The following URI1 variants were observed in gnomAD, a reference collection of about 807,000 sequenced individuals.
URI1 encodes URI1 prefoldin like chaperone.
URI1 carries 39 observed loss-of-function variants against 60.2 expected under a neutral mutation model. The ratio of observed to expected loss-of-function variants is 0.65; its 90% CI spans 0.50 to 0.85. The LOEUF (loss-of-function observed/expected upper bound fraction) is 0.85, where lower values mean the gene tolerates loss of function less well. URI1 is among the 40% of genes least tolerant of loss of function. The pLI is 0.00. For missense variants in URI1, 691 were observed against 665.9 expected, an observed-to-expected ratio of 1.04 and a Z score of -0.42; for synonymous variants, 251 against 236.8, an observed-to-expected ratio of 1.06 and a Z score of -0.55.
At position 29,973,838 on chromosome 19, in the gene URI1, CTAA is replaced by C. The variant is rs1480862405; in HGVS notation, c.152+2619_152+2621del. Among the ~76,000 whole-genome samples, 16 of 152,122 alleles carry C rather than the reference CTAA, an allele frequency of 1.1e-4. 1 individual carries two copies. The highest frequency in any genetic ancestry group is 3.3e-4 in the Admixed American group (5 of 15,270). Reference sequence around the variant, plus strand: ...TGAGAATTTGTACATTATTTTAGAGCTAATAATAATGGTTTTCAGTTTAGTGAG... The same window carrying C: ...TGAGAATTTGTACATTATTTTAGAGCTAATAATGGTTTTCAGTTTAGTGAG... On this transcript the variant is annotated intron_variant, in intron 2 of 10. Transcript: ENST00000392271.
At chr19:29,990,731 A>G (rs1462444909) in intron 4 of URI1, among the ~76,000 whole-genome samples, 1 of 152,200 alleles carries the variant, frequency 6.6e-6, no homozygotes, top group East Asian at 1.9e-4. Context: ...GAGAATGGAG[A>G]GTGACTGCTA....
rs73543794 is a variant in URI1, at chr19:30,002,311, G to A, written c.368-3050G>A. On this transcript the variant is annotated intron_variant, in intron 4 of 10. Coordinates refer to ENST00000392271, the MANE Select transcript of URI1 (RefSeq NM_003796.3). ...GTCTTACTTAGTGAGTAGGCATATC[G>A]TTTATCTTTAGGTGAAAATGACTGC... Among the ~76,000 whole-genome samples, 439 of 152,012 alleles carry A rather than the reference G, an allele frequency of 2.9e-3. 4 individuals carry two copies. Among genetic ancestry groups the A allele is most frequent in the African/African-American group, 9.9e-3 (411 of 41,528 alleles).
intron 1 of URI1, among the ~76,000 whole-genome samples, chr19:29,951,964 A>G (rs1003547855): frequency 2.6e-5 from 4 of 152,238 alleles, no homozygotes; most frequent in African/African-American, 9.6e-5. Context: ...AGAGCCTTAT[A>G]AAATAAGAAA....
chr19:30,002,905 CTTAA>C (rs1172193763), intron 4 of URI1, among the ~76,000 whole-genome samples: 2 of 151,850 alleles, frequency 1.3e-5, no homozygotes, highest in Non-Finnish European at 1.5e-5. Flanking sequence ...TGAAATTTTG[CTTAA>C]TTAGATTTCA....
intron 1 of URI1, among the ~76,000 whole-genome samples, chr19:29,963,991 A>T (rs1424775382): frequency 6.6e-6 from 1 of 152,150 alleles, no homozygotes; most frequent in African/African-American, 2.4e-5. Context: ...ATACCATGGG[A>T]GGGAAAGCAG....
At chr19:29,987,058 A>G (rs2055680847) in intron 4 of URI1, among the ~76,000 whole-genome samples, 1 of 152,148 alleles carries the variant, frequency 6.6e-6, no homozygotes, top group Non-Finnish European at 1.5e-5. Flanking sequence ...CACAACACAC[A>G]CTACACATTT....
chr19:30,008,263 G>A (rs1387508079), intron 7 of URI1, among the ~76,000 whole-genome samples: 1 of 152,078 alleles, frequency 6.6e-6, no homozygotes. Flanking sequence ...CTTAAATGAT[G>A]TACCATATGC....
At chr19:29,996,539 A>G (rs2055815218) in intron 4 of URI1, among the ~76,000 whole-genome samples, 2 of 151,872 alleles carry the variant, frequency 1.3e-5, no homozygotes, top group African/African-American at 4.8e-5. Context: ...ATAAGATTGT[A>G]TCATATGTTG....
chr19:29,981,888 G>A (rs1210965237), intron 2 of URI1, among the ~76,000 whole-genome samples: 4 of 152,058 alleles, frequency 2.6e-5, no homozygotes, highest in African/African-American at 9.7e-5. Flanking sequence ...AAAAAAATCT[G>A]TTCAAATTTT....
At chr19:29,979,142 G>A (rs374090289) in intron 2 of URI1, among the ~76,000 whole-genome samples, 3 of 151,990 alleles carry the variant, frequency 2.0e-5, no homozygotes, top group Non-Finnish European at 2.9e-5. Flanking sequence ...TATGAATTAC[G>A]GTAAGATTTA....
chr19:29,983,122 G>A (rs747142094), intron 2 of URI1: 12 of 152,106 alleles, frequency 7.9e-5, no homozygotes, highest in Admixed American at 7.2e-4. Context: ...AACATGTTTC[G>A]TATTTATTTA....
At chr19:30,003,717 G>A (rs1399917818) in intron 4 of URI1, among the ~76,000 whole-genome samples, 1 of 151,880 alleles carries the variant, frequency 6.6e-6, no homozygotes, top group African/African-American at 2.4e-5. Flanking sequence ...ACAACCCAAG[G>A]CTTTCACTGA....
Position 30,012,268 on chromosome 19 carries a change from T to G in URI1, c.1179-17T>G. On this transcript the variant is annotated splice_polypyrimidine_tract_variant and intron_variant, in intron 9 of 10. Transcript: ENST00000392271. Reference sequence around the variant, plus strand: ...GAGTTACGTATAGTGAATGCATATGTGTTTTGAATATCACAGAGCCTTTGT... The same window carrying G: ...GAGTTACGTATAGTGAATGCATATGGGTTTTGAATATCACAGAGCCTTTGT... The G allele has an allele frequency of 6.2e-7, 1 of 1,600,118 alleles. No individual in the cohort carries two copies. Among genetic ancestry groups the G allele is most frequent in the African/African-American group, 1.3e-5 (1 of 74,728 alleles).
intron 1 of URI1, among the ~76,000 whole-genome samples, chr19:29,954,109 G>C (rs1304331300): frequency 6.6e-6 from 1 of 152,110 alleles, no homozygotes; most frequent in South Asian, 2.1e-4. Context: ...TGAAAACCTT[G>C]GTTCTCAACA....
chr19:30,008,550 T>C (rs1007124758), intron 7 of URI1, among the ~76,000 whole-genome samples: 21 of 152,224 alleles, frequency 1.4e-4, no homozygotes, highest in African/African-American at 4.3e-4. Flanking sequence ...CATATAGATA[T>C]ATTCGTGTGC....
chr19:29,932,058 C>G (rs1000745016), intron 1 of URI1, among the ~76,000 whole-genome samples: 4 of 151,768 alleles, frequency 2.6e-5, no homozygotes, highest in Admixed American at 6.6e-5. Flanking sequence ...TTTATCTTGC[C>G]TAGTTGCTGT....
intron 1 of URI1, among the ~76,000 whole-genome samples, chr19:29,931,841 A>C (rs1218628888): frequency 6.6e-6 from 1 of 151,656 alleles, no homozygotes; most frequent in African/African-American, 2.4e-5. Context: ...ATATCCTACT[A>C]TATAGAAACT....
At chr19:29,949,745 C>CA (rs1312827425) in intron 1 of URI1, among the ~76,000 whole-genome samples, 2 of 152,218 alleles carry the variant, frequency 1.3e-5, no homozygotes, top group African/African-American at 2.4e-5. Context: ...CTGTCTCCAC[C>CA]AAAAAAATAC....
intron 1 of URI1, among the ~76,000 whole-genome samples, chr19:29,931,802 G>C (rs1318899416): frequency 6.6e-6 from 1 of 151,988 alleles, no homozygotes; most frequent in African/African-American, 2.4e-5. Flanking sequence ...TTTCTTTTCA[G>C]ATTGTTGTTT....
Sources: gnomAD v4.1 joint callset for allele counts (sites outside exome capture counted in the v4.1 genomes callset) on GRCh38, gnomAD v4.1.1 for gene constraint, MANE v1.5 for transcripts, NCBI Gene and HGNC (gene_info 2026-07-23, HGNC 2026-07-21) for gene names.